Variants in CR1 observed in about 807,000 individuals in gnomAD.
CR1 encodes complement C3b/C4b receptor 1 (Knops blood group).
A neutral mutation model predicts 187.3 loss-of-function variants in CR1; 116 were observed. The observed-to-expected ratio is 0.62, with a 90% confidence interval of 0.53 to 0.72. CR1 has a LOEUF of 0.72. Among genes scored for constraint, CR1 ranks in the 30% least tolerant of loss-of-function variants. The pLI is 0.00. For missense variants in CR1, 1,731 were observed against 2,110.7 expected, an observed-to-expected ratio of 0.82 and a Z score of 3.52; for synonymous variants, 576 against 747.1, an observed-to-expected ratio of 0.77 and a Z score of 3.73.
At chr1:207,511,783 T>C (rs1391239436) in intron 4 of CR1, 129 bp downstream of exon 4, 1 of 783,174 alleles carries the variant, frequency 1.3e-6, no homozygotes, top group East Asian at 2.8e-5. Flanking sequence ...GCGGTAATGT[T>C]CTCGAATATT....
chr1:207,639,082 A>T (rs536385038), intron 46 of CR1, among the ~76,000 whole-genome samples: 1 of 152,288 alleles, frequency 6.6e-6, no homozygotes, highest in Admixed American at 6.5e-5. Flanking sequence ...CCCTTTGCTC[A>T]TTTTCCCGAC....
intron 37 of CR1, among the ~76,000 whole-genome samples, chr1:207,611,330 G>A (rs1661923630): frequency 6.6e-6 from 1 of 152,210 alleles, no homozygotes; most frequent in African/African-American, 2.4e-5. Flanking sequence ...GAGCTTGAGG[G>A]ACTGCCTCTG....
intron 3 of CR1, among the ~76,000 whole-genome samples, chr1:207,508,747 A>G (rs958483513): frequency 2.0e-5 from 3 of 152,062 alleles, no homozygotes; most frequent in African/African-American, 7.2e-5. Context: ...AGTTCCTACT[A>G]AATTTCCAAG....
chr1:207,496,399 G>A lies in CR1; in HGVS notation c.121+11G>A. 6.2e-7 allele frequency: 1 copy of A among 1,602,226 alleles called. No homozygotes were observed. On this transcript the variant is annotated intron_variant, in intron 1 of 46. Transcript: ENST00000367049. ...TGCCGGTGGCCTGGGGTGAGAGGCG[G>A]GCGGGCGTGGGGAGGCGCCCGGGCG...
chr1:207,608,216 A>G (rs1661808081), intron 36 of CR1, among the ~76,000 whole-genome samples: 1 of 152,208 alleles, frequency 6.6e-6, no homozygotes, highest in African/African-American at 2.4e-5. Flanking sequence ...TTTAATGGCT[A>G]TCAGTTTTTC....
Position 207,506,738 on chromosome 1 carries a change from A to T in CR1, c.326A>T (p.Asp109Val), listed in dbSNP as rs377658670. 2 of 1,613,688 alleles carry T rather than the reference A, an allele frequency of 1.2e-6. No individual in the cohort carries two copies. Among genetic ancestry groups the T allele is most frequent in the African/African-American group, 2.7e-5 (2 of 75,010 alleles). ...GGTAAATCATGTCGTAATCCTCCAG[A>T]TCCTGTGAATGGCATGGTGCATGTG... ...CRRKSCRNPPDPVNGMVHVIK... is the reference protein window; with the variant it reads ...CRRKSCRNPPVPVNGMVHVIK... The change falls in exon 3 of 47, where the codon GAT becomes GTT. Residue 109 changes from aspartate to valine, a missense_variant. Physicochemically the swap from Asp to Val is radical, Grantham distance 152. Around this residue, in one of 5 missense-constraint regions of CR1, gnomAD observed 237 missense variants for 240.4 expected, o/e 0.99. Transcript: ENST00000367049.
chr1:207,504,112 T>C (rs1006631001), intron 1 of CR1, among the ~76,000 whole-genome samples: 2 of 152,188 alleles, frequency 1.3e-5, no homozygotes, highest in Non-Finnish European at 2.9e-5. Flanking sequence ...GCGGAAGAGG[T>C]GAACAGAAAT....
chr1:207,597,754 T>C (rs1661491461), intron 35 of CR1, among the ~76,000 whole-genome samples: 1 of 152,152 alleles, frequency 6.6e-6, no homozygotes, highest in South Asian at 2.1e-4. Context: ...GGCATATACC[T>C]AAAGAAATTG....
intron 1 of CR1, among the ~76,000 whole-genome samples, chr1:207,497,657 A>G (rs1659130708): frequency 6.6e-6 from 1 of 152,224 alleles, no homozygotes; most frequent in Admixed American, 6.5e-5. Flanking sequence ...ATGCCCAGTA[A>G]GTTAAGCAAT....
intron 40 of CR1, among the ~76,000 whole-genome samples, chr1:207,616,367 C>T (rs953903113): frequency 6.6e-6 from 1 of 152,144 alleles, no homozygotes; most frequent in Non-Finnish European, 1.5e-5. Context: ...GGAACACTGT[C>T]TTTGGGCTTT....
chr1:207,594,541 T>C (rs2102363441), intron 35 of CR1, among the ~76,000 whole-genome samples: 1 of 152,272 alleles, frequency 6.6e-6, no homozygotes. Flanking sequence ...CCATGACATG[T>C]GTATACCTAT....
intron 35 of CR1, among the ~76,000 whole-genome samples, chr1:207,596,333 G>T (rs1661440324): frequency 6.6e-6 from 1 of 152,090 alleles, no homozygotes; most frequent in South Asian, 2.1e-4. Context: ...TCTTAAAGTG[G>T]CCGGGCGCTG....
intron 13 of CR1, 32 bp downstream of exon 13, chr1:207,542,612 C>CA: frequency 2.0e-6 from 1 of 496,552 alleles, no homozygotes; most frequent in Non-Finnish European, 3.5e-6. Context: ...TAGGGCCCTG[C>CA]AAGTGACATG....
At chr1:207,618,023 G>A (rs752569801) in intron 41 of CR1, 48 bp from the exon 42 acceptor site, 1 of 1,584,204 alleles carries the variant, frequency 6.3e-7, no homozygotes, top group Non-Finnish European at 8.6e-7. Flanking sequence ...ATATGTCTAT[G>A]TTTAACTGAG....
intron 46 of CR1, among the ~76,000 whole-genome samples, chr1:207,633,853 C>G (rs527701584): frequency 6.6e-6 from 1 of 151,712 alleles, no homozygotes; most frequent in East Asian, 1.9e-4. Context: ...AAAGAGTCAG[C>G]GAAGGGAGAT....
chr1:207,526,602 C>A, intron 5 of CR1, 151 bp from the exon 6 acceptor site: 1 of 1,424,030 alleles, frequency 7.0e-7, no homozygotes, highest in Non-Finnish European at 9.3e-7. Flanking sequence ...ATCTTCCTTG[C>A]CCTGTGTATT....
chr1:207,521,852 C>G (rs1347051479), intron 4 of CR1, among the ~76,000 whole-genome samples: 1 of 135,230 alleles, frequency 7.4e-6, no homozygotes, highest in South Asian at 2.3e-4. Context: ...TTTTTTTTGT[C>G]GAGACAGGGT....
At chr1:207,594,018 G>A (rs144559806) in intron 35 of CR1, among the ~76,000 whole-genome samples, 1,727 of 152,286 alleles carry the variant, frequency 0.011, 11 homozygotes, top group African/African-American at 0.014. Flanking sequence ...GTGTAAATTC[G>A]TTCAACCATT....
chr1:207,577,096 C>T (rs953045471), intron 28 of CR1, among the ~76,000 whole-genome samples: 3 of 151,970 alleles, frequency 2.0e-5, no homozygotes, highest in Non-Finnish European at 4.4e-5. Flanking sequence ...ACTAAAAATA[C>T]AAAAGTTAGC....
Sources: allele counts gnomAD v4.1 joint callset (sites outside exome capture counted in the v4.1 genomes callset), GRCh38; gene constraint gnomAD v4.1.1; regional missense constraint gnomAD v4.1.1; transcripts MANE v1.5; gene names NCBI Gene and HGNC (gene_info 2026-07-23, HGNC 2026-07-21).